Variants in PTGER3 observed in about 807,000 individuals in gnomAD.
PTGER3 encodes the protein prostaglandin E2 receptor EP3 subtype.
In PTGER3, 22 loss-of-function variants were observed where a neutral mutation model predicts 34.7. That is an observed-to-expected ratio of 0.63 (90% CI 0.45 to 0.91). The LOEUF (loss-of-function observed/expected upper bound fraction) is 0.91. Ranked by LOEUF, PTGER3 falls within the 40% of genes least tolerant of loss-of-function variation. The pLI, the probability that PTGER3 is intolerant of heterozygous loss-of-function variation, is 0.00. For missense variants in PTGER3, 468 were observed against 519.4 expected, an observed-to-expected ratio of 0.90 and a Z score of 0.96; for synonymous variants, 241 against 230.1, an observed-to-expected ratio of 1.05 and a Z score of -0.43.
Position 70,873,650 on chromosome 1 carries a change from CT to C in PTGER3, c.*24-20792del, listed in dbSNP as rs749236688. Among the ~76,000 whole-genome samples the C allele has an allele frequency of 5.4e-3, 731 of 135,486 alleles. 1 individual carries two copies. Among genetic ancestry groups the C allele is most frequent in the African/African-American group, 0.013 (492 of 37,762 alleles). The allele number at this position is 135,486 out of a possible 152,430, so 88.9% of individuals were successfully genotyped here. ...TTCTTTAGTGGCGATATGTGAGGTGCTTTTTTTTTTTTTTTGAGACAGAGTC... is the reference window on the plus strand; with the variant it reads ...TTCTTTAGTGGCGATATGTGAGGTGCTTTTTTTTTTTTTTGAGACAGAGTC... On this transcript the variant is annotated intron_variant, in intron 4 of 4. Transcript: ENST00000370931.
chr1:71,017,210 C>A (rs1210152150), intron 1 of PTGER3, among the ~76,000 whole-genome samples: 3 of 152,040 alleles, frequency 2.0e-5, no homozygotes, highest in African/African-American at 7.2e-5. Context: ...AATCAGAGAA[C>A]TTTTCCCAGC....
chr1:70,986,582 C>A (rs1444916812), intron 2 of PTGER3, among the ~76,000 whole-genome samples: 1 of 152,186 alleles, frequency 6.6e-6, no homozygotes, highest in African/African-American at 2.4e-5. Flanking sequence ...TTCACCAGCA[C>A]TGAAATCAAT....
rs1233102356 is a variant in PTGER3 at position 71,047,280 on chromosome 1, G to A, written c.298C>T (p.Leu100=). The change falls in exon 1 of 4, where the codon CTG becomes TTG. Residue 100 remains leucine (L), a synonymous_variant. Transcript: ENST00000306666. ...GGGGTGGTGAGAAGCTGCCCGACCA[G>A]GTCGGTGAGCGCCAGCCAGCCGATG... ...LCIGWLALTD[L]VGQLLTTPVV... is the part of the protein sequence containing the mutation. 8 of 1,597,932 alleles carry A rather than the reference G, an allele frequency of 5.0e-6. No homozygotes were observed. Among genetic ancestry groups the A allele is most frequent in the Non-Finnish European group, 6.8e-6 (8 of 1,173,338 alleles).
chr1:70,928,898 A>C (rs113239977), intron 4 of PTGER3, among the ~76,000 whole-genome samples: 369 of 128,224 alleles, frequency 2.9e-3, no homozygotes, highest in African/African-American at 9.4e-3. Context: ...CACACACACT[A>C]TATATATACA....
downstream of PTGER3, among the ~76,000 whole-genome samples, chr1:70,966,670 G>A (rs188186919): frequency 3.4e-4 from 52 of 152,014 alleles, no homozygotes; most frequent in East Asian, 9.5e-3. Context: ...TCAATGTTCA[G>A]CTCCCACTTA....
At chr1:70,952,647 C>T (rs920912611) in exon 4 of PTGER3, 2 of 1,082,966 alleles carry the variant, frequency 1.8e-6, no homozygotes, top group Non-Finnish European at 2.2e-6. Context: ...ACTAAAGCAG[C>T]AGTCTTGGCA....
At chr1:70,866,095 T>C (rs925977298) in intron 4 of PTGER3, among the ~76,000 whole-genome samples, 1 of 152,220 alleles carries the variant, frequency 6.6e-6, no homozygotes, top group African/African-American at 2.4e-5. Context: ...TACCCCTTCA[T>C]ATCTTTCTGT....
rs1418338416 is a variant in PTGER3, at chr1:71,039,604, T to C, written c.897+7077A>G. 6.5e-5 allele frequency among the ~76,000 whole-genome samples: 9 copies of C among 138,710 alleles called. No individual in the cohort carries two copies. The South Asian group carries it at 1.1e-3, about 17-fold the overall frequency. The allele number at this position is 138,710 out of a possible 152,430, so 91.0% of individuals were successfully genotyped here. ...GGCAGAGCTTGCAGTGAGCGGAGAT[T>C]GCGCCACTGCACTCCAGCCTGGGTG... On this transcript the variant is annotated intron_variant, in intron 1 of 3. Coordinates refer to ENST00000306666, the MANE Select transcript of PTGER3 (RefSeq NM_198719.2).
chr1:70,855,166 G>C (rs1645773733), intron 4 of PTGER3, among the ~76,000 whole-genome samples: 1 of 152,138 alleles, frequency 6.6e-6, no homozygotes, highest in Non-Finnish European at 1.5e-5. Flanking sequence ...ATTCTGTCAT[G>C]TGCTATAACA....
chr1:70,900,656 G>A (rs956328046), intron 4 of PTGER3, among the ~76,000 whole-genome samples: 3 of 152,138 alleles, frequency 2.0e-5, no homozygotes, highest in Non-Finnish European at 4.4e-5. Flanking sequence ...AGCTTGGCAC[G>A]TCATTAAGAC....
intron 4 of PTGER3, among the ~76,000 whole-genome samples, chr1:70,904,859 A>C (rs1213695601): frequency 2.6e-5 from 4 of 152,188 alleles, no homozygotes; most frequent in Non-Finnish European, 5.9e-5. Context: ...TGAGGAGTGA[A>C]TGTTAATCCC....
rs529001406 is a variant in PTGER3, at chr1:71,008,024, A to G, written c.1077+4281T>C. On this transcript the variant is annotated intron_variant, in intron 2 of 3. Coordinates refer to ENST00000306666, the MANE Select transcript of PTGER3 (RefSeq NM_198719.2). Reference sequence around the variant, plus strand: ...CACAACAGATTCTGATCTGTTTCACATATTAGGCTACTGGCACTTTAAAAA... The same window carrying G: ...CACAACAGATTCTGATCTGTTTCACGTATTAGGCTACTGGCACTTTAAAAA... 11 of 985,068 alleles carry G rather than the reference A, an allele frequency of 1.1e-5. 1 individual carries two copies. In the Admixed American group the frequency reaches 3.1e-4, roughly 28 times the overall value. 61.0% of individuals were successfully genotyped at this position (985,068 alleles called of 1,614,324 possible). A position where few individuals can be genotyped will look rare whatever the true frequency, so the allele number is the denominator to read the frequency against.
At chr1:70,912,658 A>G (rs1376011506) in intron 4 of PTGER3, among the ~76,000 whole-genome samples, 1 of 152,194 alleles carries the variant, frequency 6.6e-6, no homozygotes, top group Admixed American at 6.5e-5. Context: ...ACTTACACTC[A>G]GTCTGAAACA....
intron 4 of PTGER3, among the ~76,000 whole-genome samples, chr1:70,918,065 A>C (rs1190783023): frequency 6.6e-6 from 1 of 152,010 alleles, no homozygotes; most frequent in Admixed American, 6.6e-5. Flanking sequence ...ATGGAACAGA[A>C]TAGAGAATCC....
At chr1:70,972,093 C>T (rs12026771) in intron 3 of PTGER3, among the ~76,000 whole-genome samples, 20,744 of 152,018 alleles carry the variant, frequency 0.14, 1,937 homozygotes, top group East Asian at 0.32. Context: ...TTTGGGAGGC[C>T]GAGGCGAGTG....
chr1:70,951,517 G>A (rs1311564537), downstream of PTGER3: 2 of 152,196 alleles, frequency 1.3e-5, no homozygotes, highest in Non-Finnish European at 1.5e-5. Context: ...ATTTGCATAT[G>A]ATGGGGAAAC....
At chr1:71,037,486 A>G (rs1273869499) in intron 1 of PTGER3, among the ~76,000 whole-genome samples, 1 of 152,252 alleles carries the variant, frequency 6.6e-6, no homozygotes, top group Admixed American at 6.5e-5. Context: ...TGGCAGGCAC[A>G]TAACAAGCTC....
At chr1:70,863,400 C>A (rs183075054) in intron 4 of PTGER3, among the ~76,000 whole-genome samples, 2 of 152,264 alleles carry the variant, frequency 1.3e-5, no homozygotes, top group Admixed American at 6.5e-5. Context: ...ATTTCACTGT[C>A]CTGTCTTCAG....
At chr1:70,901,261 G>A (rs137993341) in intron 4 of PTGER3, among the ~76,000 whole-genome samples, 4 of 152,206 alleles carry the variant, frequency 2.6e-5, no homozygotes, top group South Asian at 2.1e-4. Context: ...CCCTAAATTC[G>A]CAGAGTGGGA....
Sources: allele counts gnomAD v4.1 joint callset (sites outside exome capture counted in the v4.1 genomes callset), GRCh38; gene constraint gnomAD v4.1.1; transcripts MANE v1.5; gene names NCBI Gene and HGNC (gene_info 2026-07-23, HGNC 2026-07-21).